PLOD2: variants seen among roughly 807,000 people sequenced by gnomAD.
The protein encoded by PLOD2 is lysine hydroxylase 2.
A neutral mutation model predicts 101.0 loss-of-function variants in PLOD2; 65 were observed. That is an observed-to-expected ratio of 0.64 (90% CI 0.53 to 0.79). PLOD2 has a LOEUF of 0.79. Among genes scored for constraint, PLOD2 ranks in the 30% least tolerant of loss-of-function variants. The pLI is 0.00. For missense variants in PLOD2, 909 were observed against 914.6 expected (o/e 0.99, Z 0.08); for synonymous variants, 314 against 302.9 (o/e 1.04, Z -0.38).
intron 8 of PLOD2, among the ~76,000 whole-genome samples, chr3:146,089,614 A>G (rs535662326): frequency 1.3e-5 from 2 of 151,684 alleles, no homozygotes; most frequent in South Asian, 2.1e-4. Context: ...CCATTTTTTC[A>G]TACACGGTAC....
intron 1 of PLOD2, among the ~76,000 whole-genome samples, chr3:146,124,525 G>C (rs1326960225): frequency 6.6e-6 from 1 of 151,872 alleles, no homozygotes; most frequent in Non-Finnish European, 1.5e-5. Context: ...TCCATAAAAT[G>C]AACTTTATAA....
chr3:146,102,013 ATCAC>A (rs1427463804), intron 7 of PLOD2, among the ~76,000 whole-genome samples: 1 of 152,156 alleles, frequency 6.6e-6, no homozygotes, highest in Non-Finnish European at 1.5e-5. Context: ...TGGAATTCAG[ATCAC>A]TCACTCCTCT....
At chr3:146,091,971 T>C (rs185115935) in intron 7 of PLOD2, 70 bp from the exon 8 acceptor site, 15 of 804,410 alleles carry the variant, frequency 1.9e-5, no homozygotes, top group Non-Finnish European at 2.9e-5. Flanking sequence ...TCTATAATCA[T>C]CTAATTTAAA....
chr3:146,096,726 G>A (rs572034814), intron 7 of PLOD2, among the ~76,000 whole-genome samples: 13 of 149,164 alleles, frequency 8.7e-5, no homozygotes, highest in South Asian at 8.6e-4. Flanking sequence ...GTCTCCGCCC[G>A]GAAGCCACCC....
chr3:146,133,093 G>A lies in PLOD2; in HGVS notation c.110-8864C>T, dbSNP rs1045687263. Among the ~76,000 whole-genome samples the A allele has an allele frequency of 4.6e-5, 7 of 152,166 alleles. 1 individual carries two copies. In the East Asian group the frequency reaches 7.8e-4, roughly 17 times the overall value. On this transcript the variant is annotated intron_variant, in intron 1 of 19. Coordinates refer to ENST00000282903, the MANE Select transcript of PLOD2 (RefSeq NM_182943.3). Reference sequence around the variant, plus strand: ...TGGGAAGCTGAGGCAGGAGAATGGCGTGAACCCAGGAGGCGGAGCTTGCAG... The same window carrying A: ...TGGGAAGCTGAGGCAGGAGAATGGCATGAACCCAGGAGGCGGAGCTTGCAG...
At chr3:146,122,510 G>A (rs988881214) in intron 2 of PLOD2, among the ~76,000 whole-genome samples, 1 of 152,118 alleles carries the variant, frequency 6.6e-6, no homozygotes, top group Non-Finnish European at 1.5e-5. Flanking sequence ...TGGAAGCCTT[G>A]TTCAAACACA....
intron 12 of PLOD2, among the ~76,000 whole-genome samples, chr3:146,080,521 CAT>C (rs148003646): frequency 0.044 from 6,611 of 150,346 alleles, 219 homozygotes; most frequent in Admixed American, 0.099. Flanking sequence ...TACACACACA[CAT>C]ACACACACAC....
chr3:146,151,462 A>G (rs2032050709), intron 1 of PLOD2, among the ~76,000 whole-genome samples: 1 of 151,856 alleles, frequency 6.6e-6, no homozygotes, highest in Admixed American at 6.6e-5. Context: ...GCGCCATTGC[A>G]CTCCAGCCTG....
intron 1 of PLOD2, among the ~76,000 whole-genome samples, chr3:146,128,559 A>G (rs546509923): frequency 6.6e-6 from 1 of 152,276 alleles, no homozygotes; most frequent in South Asian, 2.1e-4. Context: ...GATTTAATAA[A>G]TATTTGTTAA....
intron 3 of PLOD2, among the ~76,000 whole-genome samples, chr3:146,115,361 T>C (rs910889770): frequency 6.6e-6 from 1 of 152,128 alleles, no homozygotes; most frequent in African/African-American, 2.4e-5. Flanking sequence ...CTGCCAGACA[T>C]GTCAGTGTTC....
chr3:146,127,401 C>T (rs897852290), intron 1 of PLOD2, among the ~76,000 whole-genome samples: 2 of 152,062 alleles, frequency 1.3e-5, no homozygotes, highest in African/African-American at 4.8e-5. Flanking sequence ...CATTGTTTAG[C>T]TCCCACTTAT....
chr3:146,122,214 G>A (rs557237260), intron 2 of PLOD2, among the ~76,000 whole-genome samples: 1 of 152,272 alleles, frequency 6.6e-6, no homozygotes, highest in East Asian at 1.9e-4. Flanking sequence ...CACTTCCTAT[G>A]TGGCAGGTTG....
chr3:146,074,039 T>TTA (rs1340754390), intron 15 of PLOD2, among the ~76,000 whole-genome samples: 131 of 151,582 alleles, frequency 8.6e-4, no homozygotes, highest in African/African-American at 3.0e-3. Context: ...GGGTTAGGGC[T>TTA]CTATATTAAA....
At chr3:146,100,326 G>A (rs1937343337) in intron 7 of PLOD2, among the ~76,000 whole-genome samples, 1 of 152,132 alleles carries the variant, frequency 6.6e-6, no homozygotes, top group Non-Finnish European at 1.5e-5. Flanking sequence ...CACATGTGCT[G>A]GACCCTGGGG....
chr3:146,094,597 A>G (rs1937084087), intron 7 of PLOD2, among the ~76,000 whole-genome samples: 1 of 152,220 alleles, frequency 6.6e-6, no homozygotes, highest in Non-Finnish European at 1.5e-5. Flanking sequence ...ACACAAACGA[A>G]TGGAAAAACA....
At chr3:146,107,352 A>G (rs1937552700) in intron 4 of PLOD2, among the ~76,000 whole-genome samples, 1 of 152,214 alleles carries the variant, frequency 6.6e-6, no homozygotes, top group Non-Finnish European at 1.5e-5. Flanking sequence ...ACACGAACGG[A>G]ATCATTTTTC....
At chr3:146,088,356 A>C (rs2108023443) in intron 9 of PLOD2, among the ~76,000 whole-genome samples, 1 of 151,758 alleles carries the variant, frequency 6.6e-6, no homozygotes, top group South Asian at 2.1e-4. Flanking sequence ...GCTAATATTC[A>C]GCCATTTTTG....
chr3:146,158,898 A>G (rs1287422545), intron 1 of PLOD2, among the ~76,000 whole-genome samples: 1 of 152,208 alleles, frequency 6.6e-6, no homozygotes, highest in Non-Finnish European at 1.5e-5. Context: ...CTTCTTAAAG[A>G]ACTATTAAGC....
At chr3:146,093,388 T>C (rs1347760232) in intron 7 of PLOD2, among the ~76,000 whole-genome samples, 1 of 152,206 alleles carries the variant, frequency 6.6e-6, no homozygotes. Context: ...AGGAAAGATG[T>C]AGTCATGATA....
Sources: gnomAD v4.1 joint callset for allele counts (sites outside exome capture counted in the v4.1 genomes callset) on GRCh38, gnomAD v4.1.1 for gene constraint, MANE v1.5 for transcripts, NCBI Gene and HGNC (gene_info 2026-07-23, HGNC 2026-07-21) for gene names.